PDS5A: variants seen among roughly 807,000 people sequenced by gnomAD.
The protein encoded by PDS5A is PDS5 cohesin associated factor A.
Under a neutral mutation model 167.1 loss-of-function variants are expected in PDS5A, and 42 were observed. That is an observed-to-expected ratio of 0.25 (90% CI 0.20 to 0.33). PDS5A has a LOEUF of 0.33. Among genes scored for constraint, PDS5A ranks in the 10% least tolerant of loss-of-function variants. The probability of loss-of-function intolerance (pLI) is 1.00; values close to 1 mark genes in which losing one functional copy is unlikely to be tolerated. For synonymous variants in PDS5A, 553 were observed against 554.6 expected, an observed-to-expected ratio of 1.00 and a Z score of 0.04; for missense variants, 1,033 against 1,605.9, an observed-to-expected ratio of 0.64 and a Z score of 6.10.
chr4:39,870,982 T>C (rs1193396200), intron 21 of PDS5A, among the ~76,000 whole-genome samples: 1 of 152,130 alleles, frequency 6.6e-6, no homozygotes, highest in Non-Finnish European at 1.5e-5. Context: ...GAACACTGCT[T>C]AGCCACAAAA....
At chr4:39,873,328 A>G (rs1047071195) in intron 20 of PDS5A, among the ~76,000 whole-genome samples, 184 bp from the exon 21 acceptor site, 1 of 152,236 alleles carries the variant, frequency 6.6e-6, no homozygotes, top group Admixed American at 6.5e-5. Flanking sequence ...ACTAAAATTT[A>G]GCAAGATTGA....
rs923445421 is a variant in PDS5A, at chr4:39,944,164, G to C, written c.139-16000C>G. On this transcript the variant is annotated intron_variant, in intron 2 of 32. Coordinates refer to ENST00000303538, the MANE Select transcript of PDS5A (RefSeq NM_001100399.2). ...ACTGCAGTCCAGCCTGGGAAACAGA[G>C]TGAGACTCCGTCTCAAAAAAAAAAA... 2.4e-5 allele frequency among the ~76,000 whole-genome samples: 3 copies of C among 126,852 alleles called. No homozygotes were observed. The Admixed American group carries it at 2.7e-4, about 11-fold the overall frequency. The allele number at this position is 126,852 out of a possible 152,430, so 83.2% of individuals were successfully genotyped here.
intron 2 of PDS5A, among the ~76,000 whole-genome samples, chr4:39,972,584 T>C (rs1730656573): frequency 6.6e-6 from 1 of 151,138 alleles, no homozygotes. Context: ...TGCCCAGGTC[T>C]GAACCTCCTG....
intron 2 of PDS5A, among the ~76,000 whole-genome samples, chr4:39,945,686 G>C (rs1310457745): frequency 6.6e-6 from 1 of 152,072 alleles, no homozygotes; most frequent in East Asian, 1.9e-4. Flanking sequence ...AATTTAGTTA[G>C]ATGAAGACTA....
At position 39,925,021 on chromosome 4, in the gene PDS5A, A is replaced by C. The variant is rs537741211; in HGVS notation, c.527+815T>G. 7.8e-4 allele frequency among the ~76,000 whole-genome samples: 119 copies of C among 152,326 alleles called. 1 individual carries two copies. Among genetic ancestry groups the C allele is most frequent in the African/African-American group, 2.8e-3 (115 of 41,568 alleles). ...CAGCTACTCAGGAGGCTGAGACAGG[A>C]GGACTGCTTGAACCCGGGAGGTGGA... On this transcript the variant is annotated intron_variant, in intron 5 of 32. Transcript: ENST00000303538.
intron 2 of PDS5A, among the ~76,000 whole-genome samples, chr4:39,963,061 G>C (rs1729645003): frequency 6.6e-6 from 1 of 151,884 alleles, no homozygotes; most frequent in South Asian, 2.1e-4. Flanking sequence ...GCTCACGCCT[G>C]TAATTCCAGC....
chr4:39,917,830 C>T (rs1474730050), intron 7 of PDS5A, among the ~76,000 whole-genome samples: 1 of 152,090 alleles, frequency 6.6e-6, no homozygotes, highest in Non-Finnish European at 1.5e-5. Context: ...AGGCCTCGGC[C>T]TCCCAAAGTA....
chr4:39,845,909 AAG>A, intron 28 of PDS5A, 29 bp from the exon 29 acceptor site: 1 of 1,314,350 alleles, frequency 7.6e-7, no homozygotes, highest in South Asian at 1.9e-5. Flanking sequence ...AAAAAGAAAA[AAG>A]AAACACCAAT....
At position 39,904,028 on chromosome 4, in the gene PDS5A, T is replaced by C; in HGVS notation, c.1385+12A>G. 1 of 1,560,336 alleles carries C rather than the reference T, an allele frequency of 6.4e-7. No homozygotes were observed. Among genetic ancestry groups the C allele is most frequent in the African/African-American group, 1.4e-5 (1 of 73,428 alleles). On this transcript the variant is annotated intron_variant, in intron 12 of 32. Transcript: ENST00000303538. Reference sequence around the variant, plus strand: ...TTTACACTCAACCATTCTACCAACATATTAAACTCACTTGTCGTCAATGCT... The same window carrying C: ...TTTACACTCAACCATTCTACCAACACATTAAACTCACTTGTCGTCAATGCT...
chr4:39,951,355 T>C (rs1385557859), intron 2 of PDS5A, among the ~76,000 whole-genome samples: 2 of 152,214 alleles, frequency 1.3e-5, no homozygotes, highest in African/African-American at 4.8e-5. Flanking sequence ...TAAATAACCA[T>C]GTTTTATGAA....
intron 12 of PDS5A, 62 bp from the exon 13 acceptor site, chr4:39,902,522 A>ATTTT: frequency 2.0e-5 from 12 of 597,198 alleles, no homozygotes; most frequent in South Asian, 4.8e-5. Context: ...TTAAGAAGCA[A>ATTTT]TTTTTTTTTT....
chr4:39,951,801 G>A (rs1728410233), intron 2 of PDS5A, among the ~76,000 whole-genome samples: 2 of 150,378 alleles, frequency 1.3e-5, no homozygotes, highest in African/African-American at 4.9e-5. Context: ...TCAGGAGGCT[G>A]AGGCAGGAGA....
chr4:39,854,078 G>C (rs1718336155), intron 26 of PDS5A, among the ~76,000 whole-genome samples: 1 of 152,136 alleles, frequency 6.6e-6, no homozygotes, highest in Non-Finnish European at 1.5e-5. Flanking sequence ...AAAGCAGGTG[G>C]ATCACCTGAG....
intron 2 of PDS5A, among the ~76,000 whole-genome samples, chr4:39,969,193 T>A (rs1443632076): frequency 6.6e-6 from 1 of 152,232 alleles, no homozygotes; most frequent in Admixed American, 6.5e-5. Flanking sequence ...ATTATCTAAG[T>A]AGCAGAAGTT....
At chr4:39,897,336 A>C (rs1560463791) in intron 16 of PDS5A, among the ~76,000 whole-genome samples, 1 of 152,186 alleles carries the variant, frequency 6.6e-6, no homozygotes, top group Non-Finnish European at 1.5e-5. Flanking sequence ...TGGAGGTTGC[A>C]GTGAGGTGAG....
At chr4:39,861,574 T>C (rs6853913) in intron 26 of PDS5A, among the ~76,000 whole-genome samples, 41,038 of 152,030 alleles carry the variant, frequency 0.27, 6,427 homozygotes, top group Middle Eastern at 0.42. Flanking sequence ...AATAATTTAT[T>C]TGTATTTTAA....
Position 39,922,742 on chromosome 4 carries a change from G to C in PDS5A, c.534C>G (p.Ser178Arg). ...TGTGCATTTGTACCTTCTTATTGTG[G>C]CTATTGCTATAAAAAAAAAAAAAAA... ...FRTLFSVINN[S>R]HNKKVQMHML... Residue 178 changes from serine to arginine, a missense_variant, in exon 6 of 33, where the codon AGC (serine) becomes AGG (arginine). By Grantham distance (110) the Ser-to-Arg change is moderately radical. Around this residue, in one of 4 missense-constraint regions of PDS5A, gnomAD observed 388 missense variants for 615.1 expected, o/e 0.63. Transcript: ENST00000303538. 6.9e-7 allele frequency: 1 copy of C among 1,445,310 alleles called. No homozygotes were observed. Among genetic ancestry groups the C allele is most frequent in the Non-Finnish European group, 9.1e-7 (1 of 1,101,068 alleles). The allele number at this position is 1,445,310 out of a possible 1,614,324, so 89.5% of individuals were successfully genotyped here. A position where few individuals can be genotyped will look rare whatever the true frequency, so the allele number is the denominator to read the frequency against.
At chr4:39,831,871 G>A (rs1180856983) in intron 32 of PDS5A, among the ~76,000 whole-genome samples, 5 of 31,992 alleles carry the variant, frequency 1.6e-4, no homozygotes, top group African/African-American at 3.8e-4. Flanking sequence ...AGCGAAACTC[G>A]TCTCAAAAAA....
chr4:39,908,577 G>A (rs1723596878), intron 10 of PDS5A, 37 bp from the exon 11 acceptor site: 1 of 1,311,378 alleles, frequency 7.6e-7, no homozygotes, highest in Non-Finnish European at 1.1e-6. Flanking sequence ...CTAAATGTTA[G>A]CTATGTAATT....
Sources: gnomAD v4.1 joint callset for allele counts (sites outside exome capture counted in the v4.1 genomes callset) on GRCh38, gnomAD v4.1.1 for gene constraint, gnomAD v4.1.1 regional missense constraint, MANE v1.5 for transcripts, NCBI Gene and HGNC (gene_info 2026-07-23, HGNC 2026-07-21) for gene names.